NAV3: variants seen among roughly 807,000 people sequenced by gnomAD.
NAV3 encodes pore membrane and/or filament interacting like protein 1.
NAV3 carries 87 observed loss-of-function variants against 244.7 expected under a neutral mutation model. That is an observed-to-expected ratio of 0.36 (90% CI 0.30 to 0.42). The LOEUF is 0.42. NAV3 is among the 20% of genes least tolerant of loss of function. NAV3 has a pLI of 1.00. For missense variants in NAV3, 2,663 were observed against 2,893.3 expected, an observed-to-expected ratio of 0.92 and a Z score of 1.83; for synonymous variants, 1,126 against 1,042.2, an observed-to-expected ratio of 1.08 and a Z score of -1.55.
intron 24 of NAV3, among the ~76,000 whole-genome samples, chr12:78,169,491 T>C (rs1348774946): frequency 6.6e-6 from 1 of 151,738 alleles, no homozygotes; most frequent in Non-Finnish European, 1.5e-5. Flanking sequence ...TCATTATTAA[T>C]ATCGTGTCAT....
At chr12:77,902,824 T>C (rs1885471362) in intron 1 of NAV3, among the ~76,000 whole-genome samples, 1 of 152,080 alleles carries the variant, frequency 6.6e-6, no homozygotes, top group Non-Finnish European at 1.5e-5. Flanking sequence ...TGTGCAAAAA[T>C]CACAAGCATT....
intron 23 of NAV3, among the ~76,000 whole-genome samples, chr12:78,160,845 T>C (rs1223544519): frequency 6.6e-6 from 1 of 151,584 alleles, no homozygotes; most frequent in Non-Finnish European, 1.5e-5. Context: ...TTCCTTTCTT[T>C]CCTCCCTCCC....
At chr12:78,124,761 G>A (rs1030528173) in intron 16 of NAV3, among the ~76,000 whole-genome samples, 1 of 152,116 alleles carries the variant, frequency 6.6e-6, no homozygotes, top group South Asian at 2.1e-4. Flanking sequence ...CCTGAAATAG[G>A]CCAATTTTTA....
chr12:77,641,187 A>G (rs1191261668), intron 2 of NAV3, among the ~76,000 whole-genome samples: 1 of 151,988 alleles, frequency 6.6e-6, no homozygotes, highest in South Asian at 2.1e-4. Flanking sequence ...TTTTTTCTCA[A>G]AAGCATTTAT....
At chr12:77,954,877 T>G (rs1162396375) in intron 3 of NAV3, among the ~76,000 whole-genome samples, 1 of 152,228 alleles carries the variant, frequency 6.6e-6, no homozygotes, top group African/African-American at 2.4e-5. Context: ...AATCTATGTA[T>G]GTACTGTGTG....
chr12:78,122,174 G>A lies in NAV3; in HGVS notation c.3984G>A (p.Ser1328=), dbSNP rs773932556. 6.2e-7 allele frequency: 1 copy of A among 1,614,068 alleles called. No homozygotes were observed. Among genetic ancestry groups the A allele is most frequent in the Non-Finnish European group, 8.5e-7 (1 of 1,180,004 alleles). ...LTTDVISLSH[S]LASSPASVHS... ...CAGATGTTATAAGCTTAAGTCACTCGTTGGCCTCCAGCCCAGCATCGGTTC... is the reference window on the plus strand; with the variant it reads ...CAGATGTTATAAGCTTAAGTCACTCATTGGCCTCCAGCCCAGCATCGGTTC... Residue 1328 remains serine (S), a synonymous_variant, in exon 16 of 40, where the codon TCG becomes TCA. Coordinates refer to ENST00000397909, the MANE Select transcript of NAV3 (RefSeq NM_001024383.2).
At chr12:78,186,400 T>C (rs1593961367) in intron 31 of NAV3, among the ~76,000 whole-genome samples, 1 of 152,048 alleles carries the variant, frequency 6.6e-6, no homozygotes, top group East Asian at 1.9e-4. Flanking sequence ...GTACTTAAGT[T>C]TGAAAAGTAA....
At chr12:77,609,235 G>C (rs1367084939) in intron 2 of NAV3, among the ~76,000 whole-genome samples, 1 of 151,958 alleles carries the variant, frequency 6.6e-6, no homozygotes, top group Non-Finnish European at 1.5e-5. Context: ...AATGCTTTCA[G>C]TGGCCTCCCG....
rs1258813821 is a variant in NAV3, at chr12:78,112,681, A to T, written c.2637-4091A>T. 2.0e-5 allele frequency among the ~76,000 whole-genome samples: 3 copies of T among 152,106 alleles called. No homozygotes were observed. The East Asian group carries it at 5.8e-4, about 29-fold the overall frequency. On this transcript the variant is annotated intron_variant, in intron 12 of 39. Transcript: ENST00000397909. ...TCCCACAACACATGGGGCTTATGGG[A>T]ACTACAATTCAAGATGAGATTTGGG...
intron 9 of NAV3, among the ~76,000 whole-genome samples, chr12:78,045,277 C>T (rs1395087109): frequency 6.6e-6 from 1 of 151,954 alleles, no homozygotes; most frequent in Admixed American, 6.6e-5. Flanking sequence ...CAGCAATGAA[C>T]CCAACTTGAT....
intron 2 of NAV3, among the ~76,000 whole-genome samples, chr12:77,694,571 T>TA (rs934699101): frequency 2.0e-4 from 31 of 152,190 alleles, no homozygotes; most frequent in Admixed American, 7.2e-4. Context: ...AGACCGTGTA[T>TA]AACAGATGAC....
chr12:77,837,580 T>C (rs1404643493), intron 1 of NAV3, among the ~76,000 whole-genome samples: 2 of 152,158 alleles, frequency 1.3e-5, no homozygotes, highest in African/African-American at 2.4e-5. Flanking sequence ...CTTGCCAATA[T>C]CTCAATGCGA....
chr12:77,902,823 A>C (rs1885471008), intron 1 of NAV3, among the ~76,000 whole-genome samples: 1 of 152,330 alleles, frequency 6.6e-6, no homozygotes, highest in East Asian at 1.9e-4. Flanking sequence ...ATGTGCAAAA[A>C]TCACAAGCAT....
chr12:77,958,270 T>C (rs1891555478), intron 3 of NAV3, among the ~76,000 whole-genome samples: 1 of 152,208 alleles, frequency 6.6e-6, no homozygotes, highest in East Asian at 1.9e-4. Context: ...GTTGAAATAA[T>C]TCAGTGCTCT....
intron 1 of NAV3, among the ~76,000 whole-genome samples, chr12:77,901,655 A>T (rs1885307389): frequency 6.6e-6 from 1 of 152,196 alleles, no homozygotes; most frequent in South Asian, 2.1e-4. Context: ...GATTGCAGTG[A>T]ACTGAGATCG....
chr12:78,184,488 C>T (rs1242482084), intron 30 of NAV3, among the ~76,000 whole-genome samples: 1 of 151,736 alleles, frequency 6.6e-6, no homozygotes, highest in Non-Finnish European at 1.5e-5. Context: ...AGGAGATTAT[C>T]TTTGATGATT....
chr12:78,006,377 A>T (rs753402258), intron 7 of NAV3, 42 bp from the exon 8 acceptor site: 1 of 1,557,772 alleles, frequency 6.4e-7, no homozygotes, highest in Admixed American at 1.8e-5. Flanking sequence ...AATGATCAAG[A>T]TTAATCGCCT....
At chr12:77,603,963 A>T (rs1470813339) in intron 2 of NAV3, among the ~76,000 whole-genome samples, 1 of 152,120 alleles carries the variant, frequency 6.6e-6, no homozygotes, top group African/African-American at 2.4e-5. Context: ...GGATAAATTT[A>T]GAGGTGGAGT....
At chr12:77,729,028 ATTTGTATTGTAAGAATAT>A (rs1310000624) in intron 2 of NAV3, among the ~76,000 whole-genome samples, 3 of 151,956 alleles carry the variant, frequency 2.0e-5, no homozygotes, top group Middle Eastern at 3.2e-3. Context: ...TTGATATTTT[ATTTGTATTGTAAGAATAT>A]AGTATATAAT....
Sources: allele counts gnomAD v4.1 joint callset (sites outside exome capture counted in the v4.1 genomes callset), GRCh38; gene constraint gnomAD v4.1.1; transcripts MANE v1.5; gene names NCBI Gene and HGNC (gene_info 2026-07-23, HGNC 2026-07-21).